The following SULF1 variants were observed in gnomAD, a reference collection of about 807,000 sequenced individuals.
SULF1 encodes sulfatase 1, also known as extracellular sulfatase Sulf-1.
SULF1 carries 46 observed loss-of-function variants against 110.5 expected under a neutral mutation model. The ratio of observed to expected loss-of-function variants is 0.42; its 90% CI spans 0.33 to 0.53. The LOEUF is 0.53. SULF1 is among the 20% of genes least tolerant of loss of function. The pLI, the probability that SULF1 is intolerant of heterozygous loss-of-function variation, is 0.12. For synonymous variants in SULF1, 371 were observed against 387.1 expected (o/e 0.96, Z 0.49); for missense variants, 941 against 1,094.2 (o/e 0.86, Z 1.98).
intron 11 of SULF1, 25 bp from the exon 12 acceptor site, chr8:69,603,575 G>A (rs761608650): frequency 3.1e-6 from 5 of 1,602,568 alleles, no homozygotes; most frequent in Non-Finnish European, 4.3e-6. Flanking sequence ...GATGCCAAAA[G>A]TAAATATTAT....
chr8:69,554,971 T>G (rs1814991881), intron 3 of SULF1, among the ~76,000 whole-genome samples: 2 of 103,684 alleles, frequency 1.9e-5, no homozygotes, highest in Admixed American at 1.2e-4. Context: ...AGGGCGAGAT[T>G]CCATCTCAAA....
intron 19 of SULF1, among the ~76,000 whole-genome samples, chr8:69,634,352 T>A (rs1810810799): frequency 6.6e-6 from 1 of 152,238 alleles, no homozygotes. Context: ...TTAGGTGACA[T>A]TCCTAGAATT....
At chr8:69,617,063 T>G (rs1809206952) in intron 13 of SULF1, among the ~76,000 whole-genome samples, 3 of 152,196 alleles carry the variant, frequency 2.0e-5, no homozygotes, top group East Asian at 1.9e-4. Flanking sequence ...CAGATATACA[T>G]ACAGACAGAC....
intron 1 of SULF1, among the ~76,000 whole-genome samples, chr8:69,485,053 T>C (rs1291076407): frequency 6.6e-6 from 1 of 152,098 alleles, no homozygotes. Flanking sequence ...GAGCAATGAC[T>C]CAGGAAGGGA....
At position 69,659,942 on chromosome 8, in the gene SULF1, T is replaced by C. The variant is rs1032738120; in HGVS notation, c.*1407T>C. 1.3e-5 allele frequency: 2 copies of C among 152,644 alleles called. No individual in the cohort carries two copies. The highest frequency in any genetic ancestry group is 4.8e-5 in the African/African-American group (2 of 41,454). The allele number at this position is 152,644 out of a possible 1,614,324, so 9.5% of individuals were successfully genotyped here. On this transcript the variant is annotated 3_prime_UTR_variant, in exon 23 of 23. Coordinates refer to ENST00000402687, the MANE Select transcript of SULF1 (RefSeq NM_001128205.2). ...GTATGGATCACATATTGTTTGACAT[T>C]AAGCTTTTGCCAGAAAATGTTGCAT...
intron 3 of SULF1, among the ~76,000 whole-genome samples, chr8:69,532,373 C>T (rs1586324280): frequency 6.6e-6 from 1 of 151,938 alleles, no homozygotes; most frequent in East Asian, 1.9e-4. Flanking sequence ...GAGAACCCTT[C>T]AATTCTTTTT....
intron 22 of SULF1, among the ~76,000 whole-genome samples, chr8:69,641,910 T>G (rs1439582378): frequency 1.3e-5 from 2 of 152,064 alleles, no homozygotes; most frequent in Non-Finnish European, 2.9e-5. Flanking sequence ...ACGCTCCTGA[T>G]GGCCGTGTCA....
chr8:69,514,688 C>T (rs544375570), intron 3 of SULF1, among the ~76,000 whole-genome samples: 117 of 152,296 alleles, frequency 7.7e-4, no homozygotes, highest in Admixed American at 2.2e-3. Context: ...TCCCTTCTGC[C>T]TATGATCCTG....
intron 19 of SULF1, among the ~76,000 whole-genome samples, chr8:69,631,236 G>A (rs60851871): frequency 0.081 from 12,403 of 152,212 alleles, 689 homozygotes; most frequent in South Asian, 0.23. Context: ...GCAAAACACA[G>A]GGTTATAGTT....
rs898944982 is a variant in SULF1 at position 69,486,226 on chromosome 8, G to A, written c.-390-9539G>A. Among the ~76,000 whole-genome samples the A allele has an allele frequency of 3.3e-5, 5 of 151,962 alleles. No homozygotes were observed. The East Asian group carries it at 5.8e-4, about 18-fold the overall frequency. Reference sequence around the variant, plus strand: ...AAGGAAGGAGAAACTGAACGATACCGAGTCCTTACACATGCAGGACACGGC... The same window carrying A: ...AAGGAAGGAGAAACTGAACGATACCAAGTCCTTACACATGCAGGACACGGC... On this transcript the variant is annotated intron_variant, in intron 1 of 22. Coordinates refer to the SULF1 transcript ENST00000260128.
At chr8:69,489,517 T>A (rs1306924592), upstream of SULF1, among the ~76,000 whole-genome samples, 1 of 145,642 alleles carries the variant, frequency 6.9e-6, no homozygotes, top group Non-Finnish European at 1.5e-5. Flanking sequence ...AAAAAAAAAA[T>A]AAGTCTAGCT....
intron 3 of SULF1, among the ~76,000 whole-genome samples, chr8:69,540,646 C>T (rs1250139826): frequency 1.3e-5 from 2 of 152,226 alleles, no homozygotes; most frequent in Admixed American, 6.5e-5. Flanking sequence ...CCTTCTTGCC[C>T]GGGTTTCTGT....
chr8:69,477,908 G>A (rs867438941), intron 1 of SULF1, among the ~76,000 whole-genome samples: 1 of 151,934 alleles, frequency 6.6e-6, no homozygotes, highest in South Asian at 2.1e-4. Flanking sequence ...CTCAGGCAGG[G>A]TGCAGTGGTG....
At chr8:69,616,848 C>T (rs1053815220) in intron 13 of SULF1, among the ~76,000 whole-genome samples, 50 of 151,980 alleles carry the variant, frequency 3.3e-4, no homozygotes, top group Admixed American at 2.8e-3. Flanking sequence ...CCACCACACC[C>T]GGCCTCAAGA....
intron 1 of SULF1, among the ~76,000 whole-genome samples, chr8:69,486,431 G>GA (rs34587091): frequency 0.49 from 74,272 of 151,908 alleles, 20,629 homozygotes; most frequent in African/African-American, 0.76. Context: ...ATGCTAAACA[G>GA]AAAACCCAGT....
intron 13 of SULF1, among the ~76,000 whole-genome samples, chr8:69,616,210 G>A (rs1563590411): frequency 2.1e-5 from 3 of 140,130 alleles, no homozygotes; most frequent in African/African-American, 8.2e-5. Flanking sequence ...ATATGTGTGT[G>A]TATATATATA....
intron 3 of SULF1, among the ~76,000 whole-genome samples, chr8:69,538,274 C>CTTT (rs1164492515): frequency 1.8e-5 from 1 of 54,084 alleles, no homozygotes; most frequent in Non-Finnish European, 3.4e-5. Flanking sequence ...ATTTCTGTTG[C>CTTT]CTTTTTTTTT....
intron 3 of SULF1, among the ~76,000 whole-genome samples, chr8:69,535,943 A>C (rs758929435): frequency 6.6e-6 from 1 of 151,910 alleles, no homozygotes; most frequent in Non-Finnish European, 1.5e-5. Context: ...GTTTGAACCC[A>C]GGAGGCAGAG....
At chr8:69,487,076 A>G (rs1164677360) in intron 1 of SULF1, among the ~76,000 whole-genome samples, 1 of 152,214 alleles carries the variant, frequency 6.6e-6, no homozygotes, top group African/African-American at 2.4e-5. Context: ...ATTCTTCTTC[A>G]GTTCAAACTG....
Sources: gnomAD v4.1 joint callset for allele counts (sites outside exome capture counted in the v4.1 genomes callset) on GRCh38, gnomAD v4.1.1 for gene constraint, MANE v1.5 for transcripts, NCBI Gene and HGNC (gene_info 2026-07-23, HGNC 2026-07-21) for gene names.